Variants in DPP6 observed in about 807,000 individuals in gnomAD.
The protein encoded by DPP6 is A-type potassium channel modulatory protein DPP6.
Under a neutral mutation model 122.6 loss-of-function variants are expected in DPP6, and 69 were observed. The observed-to-expected ratio is 0.56, with a 90% CI of 0.46 to 0.69. The LOEUF is 0.69. DPP6 is among the 30% of genes least tolerant of loss of function. The pLI is 0.00. For missense variants in DPP6, 928 were observed against 1,116.9 expected (o/e 0.83, Z 2.41); for synonymous variants, 418 against 433.1 (o/e 0.97, Z 0.43).
chr7:154,255,472 A>G (rs1253813693), intron 1 of DPP6, among the ~76,000 whole-genome samples: 1 of 152,170 alleles, frequency 6.6e-6, no homozygotes, highest in Non-Finnish European at 1.5e-5. Context: ...ACTGGGGGAA[A>G]GGAGGTGGCT....
At chr7:153,918,994 A>G (rs998768358) in intron 1 of DPP6, among the ~76,000 whole-genome samples, 4 of 151,444 alleles carry the variant, frequency 2.6e-5, no homozygotes, top group African/African-American at 9.7e-5. Context: ...AAAAAAAAAA[A>G]AAAGAAAATT....
At chr7:154,420,084 C>T (rs1817340455) in intron 1 of DPP6, among the ~76,000 whole-genome samples, 1 of 152,174 alleles carries the variant, frequency 6.6e-6, no homozygotes, top group South Asian at 2.1e-4. Context: ...TGCCTGTAAT[C>T]CCAACACTTT....
In DPP6 at chr7:154,879,507, G is replaced by A. The variant is rs1222393372; in HGVS notation, c.2079-1381G>A. On this transcript the variant is annotated intron_variant, in intron 20 of 25. Coordinates refer to ENST00000377770, the MANE Select transcript of DPP6 (RefSeq NM_130797.4). ...CGGGAGGCTGAGGCAGGAGAATGGC[G>A]TGAACCCCAGGGGGCGGAGCCTGCA... Among the ~76,000 whole-genome samples, 11 of 134,726 alleles carry A rather than the reference G, an allele frequency of 8.2e-5. 3 individuals carry two copies. In the South Asian group the frequency reaches 1.2e-3, roughly 15 times the overall value. 88.4% of individuals were successfully genotyped at this position (134,726 alleles called of 152,430 possible). A position where few individuals can be genotyped will look rare whatever the true frequency, so the allele number is the denominator to read the frequency against.
chr7:154,351,693 G>A (rs1201352916), intron 1 of DPP6, among the ~76,000 whole-genome samples: 1 of 152,174 alleles, frequency 6.6e-6, no homozygotes, highest in Non-Finnish European at 1.5e-5. Flanking sequence ...GCCATTTTAA[G>A]GAGGGGAAAG....
intron 8 of DPP6, among the ~76,000 whole-genome samples, chr7:154,728,518 C>T (rs371817316): frequency 3.3e-5 from 5 of 152,330 alleles, no homozygotes; most frequent in African/African-American, 7.2e-5. Flanking sequence ...GACCCTTCAT[C>T]GTAACAATAA....
At chr7:154,480,213 C>T (rs1023924924) in intron 3 of DPP6, among the ~76,000 whole-genome samples, 2 of 152,168 alleles carry the variant, frequency 1.3e-5, no homozygotes, top group Non-Finnish European at 2.9e-5. Context: ...AACACAAACA[C>T]CTCATCTCAA....
chr7:154,747,295 T>G (rs1843080976), intron 8 of DPP6, among the ~76,000 whole-genome samples: 1 of 152,196 alleles, frequency 6.6e-6, no homozygotes. Context: ...AAGCTGGATC[T>G]AAAAAACATA....
intron 1 of DPP6, among the ~76,000 whole-genome samples, chr7:154,021,075 C>T (rs1798675531): frequency 6.6e-6 from 1 of 152,148 alleles, no homozygotes; most frequent in East Asian, 1.9e-4. Flanking sequence ...CAACGGAGGA[C>T]CACAGGGCTT....
chr7:154,779,237 A>G (rs1554465278), intron 10 of DPP6, among the ~76,000 whole-genome samples: 1 of 114,444 alleles, frequency 8.7e-6, no homozygotes, highest in Non-Finnish European at 1.8e-5. Flanking sequence ...CACCTCCATC[A>G]TCTCCACAAC....
chr7:153,884,672 TAGA>T, upstream of DPP6, among the ~76,000 whole-genome samples: 1 of 152,230 alleles, frequency 6.6e-6, no homozygotes, highest in South Asian at 2.1e-4. Flanking sequence ...ACTATAAAAA[TAGA>T]AGGTTAAAAA....
intron 1 of DPP6, among the ~76,000 whole-genome samples, chr7:154,073,830 C>CA (rs1273596964): frequency 6.6e-6 from 1 of 151,960 alleles, no homozygotes; most frequent in Non-Finnish European, 1.5e-5. Context: ...ACTAAAAATA[C>CA]AAAAAATTAG....
intron 1 of DPP6, among the ~76,000 whole-genome samples, chr7:154,256,958 C>G (rs1045774699): frequency 6.6e-6 from 1 of 151,706 alleles, no homozygotes; most frequent in Non-Finnish European, 1.5e-5. Flanking sequence ...GCATGAAATA[C>G]CCCCTTGGGT....
chr7:154,629,516 T>C (rs1304480112), intron 5 of DPP6, among the ~76,000 whole-genome samples: 1 of 152,208 alleles, frequency 6.6e-6, no homozygotes, highest in Non-Finnish European at 1.5e-5. Context: ...ATTATGTTAC[T>C]ATATTGTGTT....
chr7:153,952,169 A>G (rs962122598), intron 1 of DPP6, among the ~76,000 whole-genome samples: 8 of 152,242 alleles, frequency 5.3e-5, no homozygotes, highest in African/African-American at 1.9e-4. Flanking sequence ...TACAAGACCC[A>G]GCTCCTGTTA....
rs182853575 is a variant in DPP6, at chr7:154,513,373, C to G, written c.458-27159C>G. Among the ~76,000 whole-genome samples, 21 of 152,288 alleles carry G rather than the reference C, an allele frequency of 1.4e-4. No individual in the cohort carries two copies. In the East Asian group the frequency reaches 4.1e-3, roughly 29 times the overall value. ...GGCTTTACCAGAAAAGCTAATTGCC[C>G]CAAACTTTCCTCTTGGAATTAGAGT... On this transcript the variant is annotated intron_variant, in intron 3 of 25. Transcript: ENST00000377770.
the DPP6 span, among the ~76,000 whole-genome samples, chr7:153,749,190 G>T: frequency 3.7e-3 from 569 of 152,284 alleles, 2 homozygotes; most frequent in African/African-American, 0.013. This position sits in a 1 kb window ranked among gnomAD's most constrained non-coding sequence, Gnocchi z 4.1. Flanking sequence ...GGGGTTGAGA[G>T]AACGTGTGCT....
intron 1 of DPP6, among the ~76,000 whole-genome samples, chr7:154,090,580 G>GCCA (rs938894022): frequency 2.4e-4 from 37 of 152,008 alleles, no homozygotes; most frequent in Non-Finnish European, 3.5e-4. Context: ...GGAATACAAA[G>GCCA]CCACCACCAC....
At chr7:153,752,362 G>T in the DPP6 span, among the ~76,000 whole-genome samples, 1 of 148,542 alleles carries the variant, frequency 6.7e-6, no homozygotes, top group Non-Finnish European at 1.5e-5. Context: ...CGATTCTCCT[G>T]CCTCAGTCTC....
intron 1 of DPP6, among the ~76,000 whole-genome samples, chr7:154,342,985 C>A (rs1810061243): frequency 6.6e-6 from 1 of 152,172 alleles, no homozygotes; most frequent in Admixed American, 6.5e-5. Context: ...TATTGATGTG[C>A]CTCACTTGAA....
Sources: gnomAD v4.1 joint callset for allele counts (sites outside exome capture counted in the v4.1 genomes callset) on GRCh38, gnomAD v4.1.1 for gene constraint, Gnocchi (gnomAD v3.1) non-coding constraint, MANE v1.5 for transcripts, NCBI Gene and HGNC (gene_info 2026-07-23, HGNC 2026-07-21) for gene names.